The following MINDY4B variants were observed in gnomAD, a reference collection of about 807,000 sequenced individuals.
The protein encoded by MINDY4B is MINDY family member 4B.
MINDY4B carries 25 observed loss-of-function variants against 16.7 expected under a neutral mutation model. The ratio of observed to expected loss-of-function variants is 1.49; its 90% CI spans 1.09 to 2.09. MINDY4B has a LOEUF of 2.09. Among genes scored for constraint, MINDY4B ranks in the 30% most tolerant of loss-of-function variants. The pLI, the probability that MINDY4B is intolerant of heterozygous loss-of-function variation, is 0.00. For missense variants in MINDY4B, 327 were observed against 168.4 expected (o/e 1.94, Z -5.21); for synonymous variants, 132 against 61.9 (o/e 2.13, Z -5.32).
intron 5 of MINDY4B, among the ~76,000 whole-genome samples, chr3:150,891,936 A>G (rs1468490681): frequency 6.6e-6 from 1 of 152,164 alleles, no homozygotes. Context: ...ACTTGTTCAC[A>G]TTTATTTAAT....
At chr3:150,883,390 T>G (rs1183401694) in intron 9 of MINDY4B, among the ~76,000 whole-genome samples, 2 of 152,140 alleles carry the variant, frequency 1.3e-5, no homozygotes, top group African/African-American at 4.8e-5. Context: ...TTTTCAGTTA[T>G]TAGGGATTCC....
intron 10 of MINDY4B, among the ~76,000 whole-genome samples, chr3:150,879,870 A>G (rs554350398): frequency 6.6e-6 from 1 of 152,348 alleles, no homozygotes; most frequent in Admixed American, 6.5e-5. Flanking sequence ...TCCTGTAGAA[A>G]TCAGTGTATG....
chr3:150,878,032 C>T (rs1559964340), intron 10 of MINDY4B, among the ~76,000 whole-genome samples: 1 of 151,968 alleles, frequency 6.6e-6, no homozygotes, highest in Non-Finnish European at 1.5e-5. Context: ...TTGGGTAAGT[C>T]CCCATACCTT....
intron 6 of MINDY4B, 164 bp from the exon 7 acceptor site, chr3:150,890,549 C>T (rs1438309943): frequency 4.1e-6 from 2 of 489,512 alleles, no homozygotes; most frequent in Non-Finnish European, 7.2e-6. Context: ...AAAACATAAA[C>T]AGTGCAACTG....
rs541575167 is a variant in MINDY4B, at chr3:150,894,246, C to A, written c.369G>T (p.Lys123Asn). ...AAGGATCATGGAACCTGAAATAGGC[C>A]TTTTTCCAGTTATAGCTAAAGACAT... ...TVHVFSYNWK[K>N]AYFRFHDPSS... The change falls in exon 4 of 12, where the codon AAG (lysine) becomes AAT (asparagine). Residue 123 changes from lysine (K) to asparagine (N), a missense_variant. By Grantham distance (94) the Lys-to-Asn change is moderately conservative (BLOSUM62 0). Coordinates refer to ENST00000465419, the MANE Select transcript of MINDY4B (RefSeq NM_001351281.2). The A allele has an allele frequency of 1.9e-5, 13 of 701,924 alleles. No individual in the cohort carries two copies. The highest frequency in any genetic ancestry group is 4.6e-4 in the Middle Eastern group (2 of 4,358). 43.5% of individuals were successfully genotyped at this position (701,924 alleles called of 1,614,324 possible). A position where few individuals can be genotyped will look rare whatever the true frequency, so the allele number is the denominator to read the frequency against.
In MINDY4B at chr3:150,903,360, A is replaced by C; in HGVS notation, c.198T>G (p.Ser66=). ...ADENEDGTGL[S]QPKGQGHLPS... is the part of the protein sequence containing the mutation. ...GCAAATGTCCTTGTCCTTTGGGCTG[A>C]GATAGTCCTGTTCCATCTTCATTTT... Residue 66 remains serine (S), a synonymous_variant, in exon 3 of 12, where the codon TCT becomes TCG. Coordinates refer to ENST00000465419, the MANE Select transcript of MINDY4B (RefSeq NM_001351281.2). The C allele has an allele frequency of 2.5e-6, 1 of 398,582 alleles. No individual in the cohort carries two copies. The highest frequency in any genetic ancestry group is 4.4e-6 in the Non-Finnish European group (1 of 226,030). The allele number at this position is 398,582 out of a possible 1,614,324, so 24.7% of individuals were successfully genotyped here.
At position 150,904,631 on chromosome 3, in the gene MINDY4B, C is replaced by T. The variant is rs552236652; in HGVS notation, c.141+431G>A. Among the ~76,000 whole-genome samples the T allele has an allele frequency of 1.3e-4, 20 of 152,234 alleles. No homozygotes were observed. The South Asian group carries it at 3.9e-3, about 30-fold the overall frequency. The stretch of plus-strand genomic sequence containing the variant: ...ATCAGATTTTAAAATACCTTTTTAG[C>T]ACCAGAATTCAGTCATCTTTCTCTT... On this transcript the variant is annotated intron_variant, in intron 2 of 11. Coordinates refer to ENST00000465419, the MANE Select transcript of MINDY4B (RefSeq NM_001351281.2).
At position 150,883,136 on chromosome 3, in the gene MINDY4B, T is replaced by G. The variant is rs1711549206; in HGVS notation, c.898-78A>C. Reference sequence around the variant, plus strand: ...ACTTAATTTTTTCTCTTAAAAATCATTAAAAATTATTTTTAGTGAAAAGAA... The same window carrying G: ...ACTTAATTTTTTCTCTTAAAAATCAGTAAAAATTATTTTTAGTGAAAAGAA... On this transcript the variant is annotated intron_variant, in intron 9 of 11. Coordinates refer to ENST00000465419, the MANE Select transcript of MINDY4B (RefSeq NM_001351281.2). 32 of 576,286 alleles carry G rather than the reference T, an allele frequency of 5.6e-5. No homozygotes were observed. The South Asian group carries it at 6.2e-4, about 11-fold the overall frequency. 35.7% of individuals were successfully genotyped at this position (576,286 alleles called of 1,614,324 possible).
In MINDY4B at chr3:150,884,279, G is replaced by A. The variant is rs1711572082; in HGVS notation, c.825-507C>T. Among the ~76,000 whole-genome samples, 3 of 152,212 alleles carry A rather than the reference G, an allele frequency of 2.0e-5. No individual in the cohort carries two copies. In the South Asian group the frequency reaches 6.2e-4, roughly 32 times the overall value. On this transcript the variant is annotated intron_variant, in intron 8 of 11. Transcript: ENST00000465419. ...CCCTTGACAATATAAGGTCAAGGTG[G>A]AATGTGGCTCCTGCTGTCACTTAGG... is the stretch of plus-strand genomic sequence containing the variant.
rs1269971878 is a variant in MINDY4B at position 150,882,984 on chromosome 3, C to A, written c.972G>T (p.Gln324His). The A allele has an allele frequency of 1.4e-6, 1 of 702,770 alleles. No individual in the cohort carries two copies. Among genetic ancestry groups the A allele is most frequent in the Non-Finnish European group, 2.6e-6 (1 of 384,792 alleles). 43.5% of individuals were successfully genotyped at this position (702,770 alleles called of 1,614,324 possible). The change falls in exon 10 of 12, where the codon CAG becomes CAT. Residue 324 changes from glutamine (Q) to histidine (H), a missense_variant. By Grantham distance (24) the Gln-to-His change is conservative. Transcript: ENST00000465419. ...VFNGCEEGKS[Q>H]ETLHGVLTRS... ...GGGTCAGGACTCCATGTAGTGTTTCCTGAGACTTTCCTTCCTCACAGCCAT... is the reference window on the plus strand; with the variant it reads ...GGGTCAGGACTCCATGTAGTGTTTCATGAGACTTTCCTTCCTCACAGCCAT...
chr3:150,896,758 C>G (rs1347501755), intron 3 of MINDY4B, among the ~76,000 whole-genome samples: 1 of 152,144 alleles, frequency 6.6e-6, no homozygotes, highest in African/African-American at 2.4e-5. Context: ...GCCATGGATA[C>G]CAGCACCTGT....
intron 5 of MINDY4B, among the ~76,000 whole-genome samples, chr3:150,891,492 T>TGGC (rs71138475): frequency 0.37 from 56,193 of 151,962 alleles, 11,864 homozygotes; most frequent in South Asian, 0.52. Flanking sequence ...TCAGGCACCG[T>TGGC]GGCTCATGCC....
At chr3:150,891,983 C>T (rs1711827141) in intron 5 of MINDY4B, among the ~76,000 whole-genome samples, 1 of 152,142 alleles carries the variant, frequency 6.6e-6, no homozygotes, top group Admixed American at 6.5e-5. Context: ...GTGCTAAGTG[C>T]CTTACCTTTA....
chr3:150,882,269 A>G (rs1041338244), intron 10 of MINDY4B, among the ~76,000 whole-genome samples: 9 of 152,120 alleles, frequency 5.9e-5, no homozygotes, highest in African/African-American at 2.2e-4. Flanking sequence ...TCGCAGAATC[A>G]CATCTTACTT....
At chr3:150,890,912 G>T in intron 6 of MINDY4B, 26 bp downstream of exon 6, 2 of 698,744 alleles carry the variant, frequency 2.9e-6, no homozygotes, top group Non-Finnish European at 5.2e-6. Flanking sequence ...CCTTTCATCT[G>T]CCAGGACAGG....
chr3:150,902,464 C>A (rs1401292288), intron 3 of MINDY4B, among the ~76,000 whole-genome samples: 1 of 152,212 alleles, frequency 6.6e-6, no homozygotes, highest in East Asian at 1.9e-4. Flanking sequence ...ATGGGAGGGG[C>A]ATCTCAGCCT....
rs183911693 is a variant in MINDY4B at position 150,892,829 on chromosome 3, A to G, written c.521+495T>C. On this transcript the variant is annotated intron_variant, in intron 5 of 11. Transcript: ENST00000465419. The stretch of plus-strand genomic sequence containing the variant: ...AAATTAGCCGGGTGTAATCCCAGCT[A>G]CTCAGGAGGCCGAGGCAGGAGAATC... 2.4e-3 allele frequency among the ~76,000 whole-genome samples: 356 copies of G among 151,412 alleles called. 1 individual carries two copies. Among genetic ancestry groups the G allele is most frequent in the African/African-American group, 8.1e-3 (335 of 41,228 alleles).
In MINDY4B at chr3:150,900,530, C is replaced by T. The variant is rs1046382439; in HGVS notation, c.309+2719G>A. Among the ~76,000 whole-genome samples the T allele has an allele frequency of 3.9e-5, 6 of 152,266 alleles. No homozygotes were observed. The East Asian group carries it at 9.6e-4, about 24-fold the overall frequency. ...TCCCTAGAACAAGCATATTTAGAAT[C>T]CCAAGCTTGTCATCCTGAATTCCCA... is the stretch of plus-strand genomic sequence containing the variant. On this transcript the variant is annotated intron_variant, in intron 3 of 11. Transcript: ENST00000465419.
intron 7 of MINDY4B, among the ~76,000 whole-genome samples, chr3:150,888,684 T>A (rs915557606): frequency 6.6e-6 from 1 of 152,168 alleles, no homozygotes; most frequent in South Asian, 2.1e-4. Context: ...TTCCCTAGTG[T>A]GGCTAAGGTA....
Sources: gnomAD v4.1 joint callset for allele counts (sites outside exome capture counted in the v4.1 genomes callset) on GRCh38, gnomAD v4.1.1 for gene constraint, MANE v1.5 for transcripts, NCBI Gene and HGNC (gene_info 2026-07-23, HGNC 2026-07-21) for gene names.